The following TBC1D22A variants were observed in gnomAD, a reference collection of about 807,000 sequenced individuals.
The protein encoded by TBC1D22A is putative GTPase activator.
In TBC1D22A, 38 loss-of-function variants were observed where a neutral mutation model predicts 60.2. That is an observed-to-expected ratio of 0.63 (90% CI 0.49 to 0.83). TBC1D22A has a LOEUF of 0.83. Among genes scored for constraint, TBC1D22A ranks in the 40% least tolerant of loss-of-function variants. The probability of loss-of-function intolerance (pLI) is 0.00; values close to 1 mark genes in which losing one functional copy is unlikely to be tolerated. For synonymous variants in TBC1D22A, 302 were observed against 281.7 expected (o/e 1.07, Z -0.72); for missense variants, 628 against 701.0 (o/e 0.90, Z 1.18).
At chr22:47,108,679 T>G (rs1259026589) in intron 11 of TBC1D22A, among the ~76,000 whole-genome samples, 1 of 152,212 alleles carries the variant, frequency 6.6e-6, no homozygotes, top group Admixed American at 6.5e-5. Context: ...AAACTTGAAA[T>G]ATGTAAACAT....
intron 11 of TBC1D22A, among the ~76,000 whole-genome samples, chr22:47,102,025 G>A (rs2065436867): frequency 1.3e-5 from 2 of 152,132 alleles, no homozygotes; most frequent in Admixed American, 6.5e-5. Flanking sequence ...TTACGGTTTC[G>A]CAGGTGACCA....
At chr22:47,003,593 C>A (rs569756244) in intron 10 of TBC1D22A, among the ~76,000 whole-genome samples, 2 of 147,256 alleles carry the variant, frequency 1.4e-5, no homozygotes, top group African/African-American at 2.5e-5. Flanking sequence ...ACACACCCTA[C>A]GCACACATGC....
intron 8 of TBC1D22A, among the ~76,000 whole-genome samples, chr22:46,941,580 A>G (rs1324755277): frequency 2.2e-4 from 28 of 125,966 alleles, no homozygotes; most frequent in African/African-American, 3.0e-4. Context: ...ATATATATAC[A>G]GGGAATATAT....
At chr22:46,982,231 T>G (rs998414991) in intron 9 of TBC1D22A, among the ~76,000 whole-genome samples, 1 of 151,636 alleles carries the variant, frequency 6.6e-6, no homozygotes, top group Non-Finnish European at 1.5e-5. Flanking sequence ...ACAGTCTTTT[T>G]TTTTTTTTTT....
intron 4 of TBC1D22A, among the ~76,000 whole-genome samples, chr22:46,808,779 A>G (rs568387336): frequency 2.0e-5 from 3 of 152,304 alleles, no homozygotes; most frequent in Admixed American, 6.5e-5. Flanking sequence ...TATTGTTAGT[A>G]GAGACGGGGT....
intron 11 of TBC1D22A, among the ~76,000 whole-genome samples, chr22:47,105,776 A>G (rs934980767): frequency 6.6e-6 from 1 of 152,250 alleles, no homozygotes; most frequent in East Asian, 1.9e-4. Context: ...CCCCAAAGAA[A>G]AGCCTCAAAG....
At chr22:47,089,453 T>A (rs2064830338) in intron 11 of TBC1D22A, among the ~76,000 whole-genome samples, 1 of 152,262 alleles carries the variant, frequency 6.6e-6, no homozygotes, top group African/African-American at 2.4e-5. Context: ...TTTGGGGAAT[T>A]CTTGAAAAGT....
chr22:46,932,576 G>C (rs9616162), intron 8 of TBC1D22A, among the ~76,000 whole-genome samples: 12,249 of 152,104 alleles, frequency 0.081, 573 homozygotes, highest in Non-Finnish European at 0.1. Flanking sequence ...CCCTCCCCGT[G>C]TCTTCTCCTC....
intron 4 of TBC1D22A, among the ~76,000 whole-genome samples, chr22:46,805,582 G>C (rs954868009): frequency 1.3e-5 from 2 of 152,112 alleles, no homozygotes; most frequent in African/African-American, 2.4e-5. Context: ...TCTTCTTACT[G>C]GGAGAGTAGG....
chr22:46,887,527 A>C (rs775253344), intron 5 of TBC1D22A, among the ~76,000 whole-genome samples: 3 of 152,224 alleles, frequency 2.0e-5, no homozygotes, highest in Non-Finnish European at 4.4e-5. Flanking sequence ...AAACAGCACA[A>C]ATGTTTGTTA....
intron 12 of TBC1D22A, among the ~76,000 whole-genome samples, chr22:47,132,882 G>C (rs774458591): frequency 6.6e-6 from 1 of 152,238 alleles, no homozygotes; most frequent in African/African-American, 2.4e-5. Flanking sequence ...CTGAGCCATT[G>C]GATTTCAGTT....
chr22:46,845,993 T>C (rs2086973655), intron 4 of TBC1D22A, among the ~76,000 whole-genome samples: 1 of 152,126 alleles, frequency 6.6e-6, no homozygotes, highest in Non-Finnish European at 1.5e-5. Flanking sequence ...AGGGCTGGGA[T>C]GTTGGCTTAG....
At chr22:46,792,759 C>T in intron 2 of TBC1D22A, 183 bp downstream of exon 2, 1 of 1,478,130 alleles carries the variant, frequency 6.8e-7, no homozygotes, top group Non-Finnish European at 9.0e-7. Flanking sequence ...TGCTGCGCAT[C>T]CCGGTGAAGA....
rs2074885875 is a variant in TBC1D22A at position 46,990,189 on chromosome 22, G to T, written c.1126-7445G>T. ...TTCTTAACTTTTTAGTGTATGTTTA[G>T]ACCACATATATATTCATCTAATCTG... is the stretch of plus-strand genomic sequence containing the variant. On this transcript the variant is annotated intron_variant, in intron 9 of 12. Transcript: ENST00000337137. The surrounding 1 kb of genome is among the most constrained non-coding windows in gnomAD (Gnocchi z 4.6). Among the ~76,000 whole-genome samples the T allele has an allele frequency of 6.6e-6, 1 of 152,192 alleles. No homozygotes were observed. Among genetic ancestry groups the T allele is most frequent in the South Asian group, 2.1e-4 (1 of 4,832 alleles).
intron 12 of TBC1D22A, among the ~76,000 whole-genome samples, chr22:47,165,189 C>T (rs2068152994): frequency 6.6e-6 from 1 of 152,052 alleles, no homozygotes; most frequent in Admixed American, 6.5e-5. Flanking sequence ...TTGCCAGGGC[C>T]CTGTGGTGAG....
chr22:47,103,319 T>A (rs758833119), intron 11 of TBC1D22A, among the ~76,000 whole-genome samples: 7 of 152,126 alleles, frequency 4.6e-5, no homozygotes, highest in Non-Finnish European at 8.8e-5. Context: ...TGGCCAGGGC[T>A]CCTGGGAAGA....
At position 47,072,690 on chromosome 22, in the gene TBC1D22A, A is replaced by G. The variant is rs566094386; in HGVS notation, c.1329+35492A>G. ...GCAGCCTGCTAAGAGCTGGATAGGT[A>G]TGTGGTGAGCACATGGCACCCCGAT... On this transcript the variant is annotated intron_variant, in intron 11 of 12. Coordinates refer to ENST00000337137, the MANE Select transcript of TBC1D22A (RefSeq NM_014346.5). Among the ~76,000 whole-genome samples, 5 of 152,312 alleles carry G rather than the reference A, an allele frequency of 3.3e-5. No homozygotes were observed. In the East Asian group the frequency reaches 9.6e-4, roughly 29 times the overall value.
At chr22:47,131,558 C>T (rs1358807509) in intron 12 of TBC1D22A, among the ~76,000 whole-genome samples, 1 of 151,454 alleles carries the variant, frequency 6.6e-6, no homozygotes, top group East Asian at 1.9e-4. Flanking sequence ...GGGCAACAAG[C>T]CAGCTTCTAC....
chr22:46,891,011 G>A (rs1431191751), intron 5 of TBC1D22A, among the ~76,000 whole-genome samples: 1 of 152,060 alleles, frequency 6.6e-6, no homozygotes, highest in Non-Finnish European at 1.5e-5. Flanking sequence ...GAGTGGGGAG[G>A]GCCTGCACCG....
Sources: allele counts gnomAD v4.1 joint callset (sites outside exome capture counted in the v4.1 genomes callset), GRCh38; gene constraint gnomAD v4.1.1; non-coding constraint Gnocchi (gnomAD v3.1); transcripts MANE v1.5; gene names NCBI Gene and HGNC (gene_info 2026-07-23, HGNC 2026-07-21).